TUSC3: variants seen among roughly 807,000 people sequenced by gnomAD.
TUSC3 encodes the protein tumor suppressor candidate 3.
A neutral mutation model predicts 44.8 loss-of-function variants in TUSC3; 45 were observed. That is an observed-to-expected ratio of 1.00 (90% CI 0.79 to 1.29). The LOEUF is 1.29. TUSC3 is among the 50% of genes most tolerant of loss of function. TUSC3 has a pLI of 0.00. For synonymous variants in TUSC3, 212 were observed against 152.9 expected (o/e 1.39, Z -2.85); for missense variants, 519 against 437.9 (o/e 1.19, Z -1.65).
chr8:15,726,568 G>A (rs900651227), intron 6 of TUSC3, among the ~76,000 whole-genome samples: 2 of 152,134 alleles, frequency 1.3e-5, no homozygotes, highest in Non-Finnish European at 2.9e-5. Flanking sequence ...CACTTTGGGA[G>A]GCCAAACTGG....
chr8:15,589,090 C>G (rs892437071), intron 1 of TUSC3, among the ~76,000 whole-genome samples: 1 of 152,084 alleles, frequency 6.6e-6, no homozygotes, highest in Non-Finnish European at 1.5e-5. Context: ...TATTTTCTTA[C>G]TAAATTTAAA....
At chr8:15,508,067 C>G (rs554410441) in intron 2 of TUSC3, among the ~76,000 whole-genome samples, 1 of 151,996 alleles carries the variant, frequency 6.6e-6, no homozygotes, top group East Asian at 1.9e-4. Flanking sequence ...CATGGGGAAA[C>G]CCGTCTCTAC....
chr8:15,829,610 A>T, the TUSC3 span, among the ~76,000 whole-genome samples: 11 of 151,930 alleles, frequency 7.2e-5, no homozygotes, highest in African/African-American at 9.7e-5. Context: ...CAAAATTTTA[A>T]TTTTTTATTA....
At chr8:15,613,509 A>G (rs944125578) in intron 1 of TUSC3, among the ~76,000 whole-genome samples, 6 of 152,140 alleles carry the variant, frequency 3.9e-5, no homozygotes, top group Non-Finnish European at 8.8e-5. Context: ...TGATGGTTTT[A>G]TGAAGGGGAA....
At chr8:15,683,561 T>TGGATTGGAGTTCAGCTTCCTC (rs1808508265) in intron 6 of TUSC3, among the ~76,000 whole-genome samples, 1 of 152,146 alleles carries the variant, frequency 6.6e-6, no homozygotes, top group Non-Finnish European at 1.5e-5. Context: ...CTGACTTCCT[T>TGGATTGGAGTTCAGCTTCCTC]GGATTGGAGT....
intron 1 of TUSC3, among the ~76,000 whole-genome samples, chr8:15,560,906 T>G (rs1206131235): frequency 1.7e-5 from 1 of 58,906 alleles, no homozygotes; most frequent in Admixed American, 1.8e-4. Flanking sequence ...TACATTCTTC[T>G]AAATTTTTTT....
At chr8:15,465,423 G>T (rs1272644863) in intron 1 of TUSC3, among the ~76,000 whole-genome samples, 1 of 152,024 alleles carries the variant, frequency 6.6e-6, no homozygotes, top group East Asian at 1.9e-4. Flanking sequence ...CCACCAATGT[G>T]GTCCACAATC....
intron 3 of TUSC3, among the ~76,000 whole-genome samples, chr8:15,651,362 G>T (rs921758640): frequency 6.6e-6 from 1 of 152,116 alleles, no homozygotes; most frequent in Non-Finnish European, 1.5e-5. Flanking sequence ...ACATATAGAG[G>T]ATTAAATATT....
At chr8:15,648,725 C>CAAAAA (rs58526383) in intron 2 of TUSC3, among the ~76,000 whole-genome samples, 291 of 26,150 alleles carry the variant, frequency 0.011, 83 homozygotes, top group African/African-American at 0.025. Flanking sequence ...GACTCTGTGT[C>CAAAAA]AAAAAAAAAA....
chr8:15,422,933 G>A (rs553933965), intron 1 of TUSC3, among the ~76,000 whole-genome samples: 1 of 152,210 alleles, frequency 6.6e-6, no homozygotes, highest in African/African-American at 2.4e-5. Context: ...ATGAGCCACT[G>A]CGTCCACCCA....
At chr8:15,582,694 C>T (rs965460126) in intron 1 of TUSC3, among the ~76,000 whole-genome samples, 9 of 152,272 alleles carry the variant, frequency 5.9e-5, no homozygotes, top group Admixed American at 3.3e-4. Flanking sequence ...TAATTCTCTG[C>T]AAGCCTGCTG....
rs575458554 is a variant in TUSC3 at position 15,533,354 on chromosome 8, C to T, written n.189+49871C>T. Among the ~76,000 whole-genome samples, 3 of 152,288 alleles carry T rather than the reference C, an allele frequency of 2.0e-5. No homozygotes were observed. The South Asian group carries it at 6.2e-4, about 32-fold the overall frequency. On this transcript the variant is annotated intron_variant and non_coding_transcript_variant, in intron 2 of 5. Coordinates refer to the TUSC3 transcript ENST00000503191. Reference sequence around the variant, plus strand: ...CTAGCTAAGTAAATCTGCATTTTTACATAACCTAAATATAGGGCAGAGGAA... The same window carrying T: ...CTAGCTAAGTAAATCTGCATTTTTATATAACCTAAATATAGGGCAGAGGAA...
intron 1 of TUSC3, among the ~76,000 whole-genome samples, chr8:15,593,878 A>G (rs1803957501): frequency 6.6e-6 from 1 of 151,964 alleles, no homozygotes; most frequent in African/African-American, 2.4e-5. Flanking sequence ...CTTCTTCACC[A>G]ATCAGAATGT....
At chr8:15,775,698 A>C in the TUSC3 span, among the ~76,000 whole-genome samples, 1,602 of 147,254 alleles carry the variant, frequency 0.011, 14 homozygotes, top group Non-Finnish European at 0.018. Context: ...GTACACACAC[A>C]CATATATACA....
the TUSC3 span, among the ~76,000 whole-genome samples, chr8:15,771,871 A>T: frequency 2.6e-5 from 4 of 152,072 alleles, no homozygotes; most frequent in Middle Eastern, 3.4e-3. Flanking sequence ...GGCGGATCAC[A>T]AGGTCAGGAG....
chr8:15,567,212 C>T (rs765448142), intron 1 of TUSC3, among the ~76,000 whole-genome samples: 14 of 152,030 alleles, frequency 9.2e-5, no homozygotes, highest in African/African-American at 3.1e-4. Flanking sequence ...AAAAACATTT[C>T]GGGGCAGTGG....
At chr8:15,625,863 C>T (rs1023560164) in intron 2 of TUSC3, among the ~76,000 whole-genome samples, 8 of 152,160 alleles carry the variant, frequency 5.3e-5, no homozygotes, top group Non-Finnish European at 1.0e-4. Flanking sequence ...AAAAACAGCA[C>T]GTTAGGTGAT....
chr8:15,768,173 G>C (rs899220342), downstream of TUSC3, among the ~76,000 whole-genome samples: 9 of 149,952 alleles, frequency 6.0e-5, no homozygotes, highest in African/African-American at 2.2e-4. Flanking sequence ...TTTTTCTTTT[G>C]TCTCCAGGCA....
intron 6 of TUSC3, among the ~76,000 whole-genome samples, chr8:15,695,119 G>C (rs548767307): frequency 6.6e-6 from 1 of 152,206 alleles, no homozygotes; most frequent in Non-Finnish European, 1.5e-5. Flanking sequence ...GGTGGTGTCA[G>C]TGGAAAGATC....
Sources: gnomAD v4.1 joint callset for allele counts (sites outside exome capture counted in the v4.1 genomes callset) on GRCh38, gnomAD v4.1.1 for gene constraint, MANE v1.5 for transcripts, NCBI Gene and HGNC (gene_info 2026-07-23, HGNC 2026-07-21) for gene names.